LRP4: variants seen among roughly 807,000 people sequenced by gnomAD.
The protein encoded by LRP4 is LDL receptor related protein 4, also known as low-density lipoprotein receptor-related protein 4.
LRP4 carries 95 observed loss-of-function variants against 220.3 expected under a neutral mutation model. The observed-to-expected ratio is 0.43, with a 90% CI of 0.37 to 0.51. The LOEUF is 0.51. Among genes scored for constraint, LRP4 ranks in the 20% least tolerant of loss-of-function variants. The probability of loss-of-function intolerance (pLI) is 0.00; values close to 1 mark genes in which losing one functional copy is unlikely to be tolerated. For synonymous variants in LRP4, 903 were observed against 954.6 expected (o/e 0.95, Z 1.00); for missense variants, 1,925 against 2,567.0 (o/e 0.75, Z 5.40).
At position 46,857,499 on chromosome 11, in the gene LRP4, G is replaced by A. The variant is rs1432204975; in HGVS notation, c.*1484C>T. The A allele has an allele frequency of 2.6e-5, 4 of 152,150 alleles. No individual in the cohort carries two copies. The highest frequency in any genetic ancestry group is 4.4e-5 in the Non-Finnish European group (3 of 68,062). The allele number at this position is 152,150 out of a possible 1,614,324, so 9.4% of individuals were successfully genotyped here. A position where few individuals can be genotyped will look rare whatever the true frequency, so the allele number is the denominator to read the frequency against. Reference sequence around the variant, plus strand: ...AGAGGTCTGGGTCTGCCATGGGCTAGGAGGGCCTCATCAGTGGTGCTCTCT... The same window carrying A: ...AGAGGTCTGGGTCTGCCATGGGCTAAGAGGGCCTCATCAGTGGTGCTCTCT... On this transcript the variant is annotated 3_prime_UTR_variant, in exon 38 of 38. Transcript: ENST00000378623.
At chr11:46,862,503 T>G (rs1592509351) in intron 37 of LRP4, 103 bp downstream of exon 37, 4 of 1,159,904 alleles carry the variant, frequency 3.4e-6, no homozygotes, top group Non-Finnish European at 5.2e-6. Flanking sequence ...AAATGGTAGA[T>G]GGGATTACTC....
chr11:46,870,932 T>C (rs1011136461), intron 31 of LRP4, among the ~76,000 whole-genome samples: 19 of 152,240 alleles, frequency 1.2e-4, no homozygotes, highest in Non-Finnish European at 2.1e-4. Flanking sequence ...ATTAGGCTGA[T>C]TTATTTTATA....
intron 2 of LRP4, among the ~76,000 whole-genome samples, chr11:46,900,752 A>G (rs906970785): frequency 1.3e-4 from 19 of 150,666 alleles, no homozygotes; most frequent in Non-Finnish European, 4.4e-5. Flanking sequence ...CAGCCTCCCA[A>G]AGTGCTGGGA....
intron 20 of LRP4, among the ~76,000 whole-genome samples, chr11:46,881,168 G>C (rs951133340): frequency 1.1e-4 from 17 of 148,588 alleles, no homozygotes; most frequent in African/African-American, 3.9e-4. Flanking sequence ...TTGCTTTTAG[G>C]AAATGTGCAC....
In LRP4 at chr11:46,900,923, G is replaced by A. The variant is rs1592547444; in HGVS notation, c.200-545C>T. Among the ~76,000 whole-genome samples, 3 of 151,968 alleles carry A rather than the reference G, an allele frequency of 2.0e-5. No individual in the cohort carries two copies. In the East Asian group the frequency reaches 5.8e-4, roughly 29 times the overall value. On this transcript the variant is annotated intron_variant, in intron 2 of 37. Transcript: ENST00000378623. ...TGCCTCAGCCTCCCGAGTAGCTGGTGTTACAGGTGCCCGCTGCCACACCCA... is the reference window on the plus strand; with the variant it reads ...TGCCTCAGCCTCCCGAGTAGCTGGTATTACAGGTGCCCGCTGCCACACCCA...
At chr11:46,880,946 T>C (rs903248485) in intron 20 of LRP4, among the ~76,000 whole-genome samples, 8 of 150,526 alleles carry the variant, frequency 5.3e-5, no homozygotes, top group African/African-American at 2.0e-4. Flanking sequence ...TTATGGCTCA[T>C]GCGTGTAGTC....
At chr11:46,892,944 A>C (rs1162632113) in intron 13 of LRP4, 29 bp downstream of exon 13, 16 of 1,610,790 alleles carry the variant, frequency 9.9e-6, no homozygotes, top group Non-Finnish European at 1.4e-5. Context: ...AGGTTGCAAG[A>C]AAGTTCGGGA....
rs546118402 is a variant in LRP4 at position 46,862,200 on chromosome 11, G to T, written c.5385+406C>A. Among the ~76,000 whole-genome samples, 13 of 152,282 alleles carry T rather than the reference G, an allele frequency of 8.5e-5. No individual in the cohort carries two copies. In the South Asian group the frequency reaches 2.5e-3, roughly 29 times the overall value. ...TAGGTGCTACTAGCTTGGACTGGAG[G>T]TTAGTAATGGGCGAGTCCAGGAGCT... On this transcript the variant is annotated intron_variant, in intron 37 of 37. Transcript: ENST00000378623.
In LRP4 at chr11:46,890,104, G is replaced by A. The variant is rs1011484252; in HGVS notation, c.1932C>T (p.Phe644=). The A allele has an allele frequency of 1.4e-5, 23 of 1,613,978 alleles. No individual in the cohort carries two copies. Among genetic ancestry groups the A allele is most frequent in the Admixed American group, 1.0e-4 (6 of 59,994 alleles). ...GGCTGTCTTCAAACACTGTGATGGCGAAGGGATGCGGGAGGCCTGGGGAAA... is the reference window on the plus strand; with the variant it reads ...GGCTGTCTTCAAACACTGTGATGGCAAAGGGATGCGGGAGGCCTGGGGAAA... ...AVISQGLPHP[F]AITVFEDSLY... is the part of the protein sequence containing the mutation. The change falls in exon 15 of 38, where the codon TTC becomes TTT. Residue 644 remains phenylalanine (F), a synonymous_variant. Transcript: ENST00000378623. This position sits in a 1 kb window ranked among gnomAD's most constrained non-coding sequence, Gnocchi z 5.3.
chr11:46,913,933 C>A (rs1941909592), intron 1 of LRP4, among the ~76,000 whole-genome samples: 1 of 152,090 alleles, frequency 6.6e-6, no homozygotes, highest in Admixed American at 6.6e-5. Flanking sequence ...TTAAAAGAGA[C>A]AAGCAAAAGA....
At position 46,899,598 on chromosome 11, in the gene LRP4, G is replaced by A. The variant is rs1006946756; in HGVS notation, c.431-95C>T. 1.1e-6 allele frequency: 1 copy of A among 947,648 alleles called. No homozygotes were observed. Among genetic ancestry groups the A allele is most frequent in the Non-Finnish European group, 1.7e-6 (1 of 586,956 alleles). The allele number at this position is 947,648 out of a possible 1,614,324, so 58.7% of individuals were successfully genotyped here. A position where few individuals can be genotyped will look rare whatever the true frequency, so the allele number is the denominator to read the frequency against. On this transcript the variant is annotated intron_variant, in intron 4 of 37. Transcript: ENST00000378623. The surrounding 1 kb of genome is among the most constrained non-coding windows in gnomAD (Gnocchi z 5.9). ...CTCCCAACCTCACTGGCTTTGGCGG[G>A]TCTGACCTAGCCCCCGAAAGGCACC...
At chr11:46,910,822 T>A (rs892232192) in intron 1 of LRP4, among the ~76,000 whole-genome samples, 3 of 152,010 alleles carry the variant, frequency 2.0e-5, no homozygotes, top group Non-Finnish European at 4.4e-5. Flanking sequence ...TACAGGTGTG[T>A]ACCGCCACAC....
intron 2 of LRP4, among the ~76,000 whole-genome samples, chr11:46,900,630 G>A (rs1286805569): frequency 6.6e-6 from 1 of 151,916 alleles, no homozygotes; most frequent in Non-Finnish European, 1.5e-5. Context: ...ACCACACCTG[G>A]CTAGGTTTTT....
chr11:46,918,329 G>C lies in LRP4; in HGVS notation c.51C>G (p.His17Gln), dbSNP rs1468417987. 6.6e-7 allele frequency: 1 copy of C among 1,508,448 alleles called. No homozygotes were observed. Among genetic ancestry groups the C allele is most frequent in the Non-Finnish European group, 8.8e-7 (1 of 1,134,538 alleles). The allele number at this position is 1,508,448 out of a possible 1,614,324, so 93.4% of individuals were successfully genotyped here. A position where few individuals can be genotyped will look rare whatever the true frequency, so the allele number is the denominator to read the frequency against. Reference sequence around the variant, plus strand: ...ACTTTCCCGGCGGGCGCCGCTTACCGTGTGCGCAGAGCAGGGCGCCAAGCA... The same window carrying C: ...ACTTTCCCGGCGGGCGCCGCTTACCCTGTGCGCAGAGCAGGGCGCCAAGCA... ...ALLLGALLCA[H>Q]GLASSPECAC... The change falls in exon 1 of 38, where the codon CAC (histidine) becomes CAG (glutamine). Residue 17 changes from histidine (H) to glutamine (Q), a missense_variant and splice_region_variant. His to Gln is a conservative substitution (Grantham distance 24, BLOSUM62 0). Coordinates refer to ENST00000378623, the MANE Select transcript of LRP4 (RefSeq NM_002334.4). This position sits in a 1 kb window ranked among gnomAD's most constrained non-coding sequence, Gnocchi z 6.0.
chr11:46,891,333 C>CA (rs1941417758), intron 13 of LRP4, among the ~76,000 whole-genome samples: 1 of 151,796 alleles, frequency 6.6e-6, no homozygotes, highest in Admixed American at 6.6e-5. Context: ...AGGCTGGTCT[C>CA]AAACTCCTGA....
rs138291903 is a variant in LRP4 at position 46,862,626 on chromosome 11, G to C, written c.5365C>G (p.Gln1789Glu). 13 of 1,614,146 alleles carry C rather than the reference G, an allele frequency of 8.1e-6. No individual in the cohort carries two copies. In the East Asian group the frequency reaches 2.9e-4, roughly 36 times the overall value. Residue 1789 changes from glutamine to glutamate, a missense_variant, in exon 37 of 38, where the codon CAG becomes GAG. Physicochemically the swap from Gln to Glu is conservative, Grantham distance 29. Coordinates refer to ENST00000378623, the MANE Select transcript of LRP4 (RefSeq NM_002334.4). ...EAIPKPAMYNQLCYKKEGGPD... is the reference protein window; with the variant it reads ...EAIPKPAMYNELCYKKEGGPD... The stretch of plus-strand genomic sequence containing the variant: ...TTTACCTCTTTCTTATAGCACAGCT[G>C]GTTGTACATGGCTGGTTTGGGGATT...
Position 46,875,417 on chromosome 11 carries a change from A to G in LRP4, c.3925+39T>C, listed in dbSNP as rs1940985195. On this transcript the variant is annotated intron_variant, in intron 27 of 37. Transcript: ENST00000378623. The surrounding 1 kb of genome is among the most constrained non-coding windows in gnomAD (Gnocchi z 4.5). Reference sequence around the variant, plus strand: ...GATGTTGAGATGGCCCCAGAAAGCCAGAGGCTCTGACTCACAGCCCCAGCC... The same window carrying G: ...GATGTTGAGATGGCCCCAGAAAGCCGGAGGCTCTGACTCACAGCCCCAGCC... The G allele has an allele frequency of 1.9e-6, 3 of 1,560,230 alleles. No individual in the cohort carries two copies. Among genetic ancestry groups the G allele is most frequent in the Non-Finnish European group, 1.8e-6 (2 of 1,132,130 alleles).
At chr11:46,862,572 A>G in intron 37 of LRP4, 34 bp downstream of exon 37, 1 of 1,612,762 alleles carries the variant, frequency 6.2e-7, no homozygotes, top group African/African-American at 1.3e-5. Flanking sequence ...ACACCTCGCC[A>G]AAAAGACCCT....
Position 46,877,273 on chromosome 11 carries a change from T to TAA in LRP4, c.3201_3202dup (p.Tyr1068PhefsTer14). ...GATTGGTACCACCACATCAGCAAAATAAGGGATGTCCAGGGAGACCATGCG... is the reference window on the plus strand; with the variant it reads ...GATTGGTACCACCACATCAGCAAAATAAAAGGGATGTCCAGGGAGACCATGCG... On this transcript the variant is annotated frameshift_variant, in exon 23 of 38. Transcript: ENST00000378623. LOFTEE classifies it high-confidence loss of function. The TAA allele has an allele frequency of 6.2e-7, 1 of 1,613,898 alleles. No individual in the cohort carries two copies. The highest frequency in any genetic ancestry group is 8.5e-7 in the Non-Finnish European group (1 of 1,179,916).
Sources: gnomAD v4.1 joint callset for allele counts (sites outside exome capture counted in the v4.1 genomes callset) on GRCh38, gnomAD v4.1.1 for gene constraint, Gnocchi (gnomAD v3.1) non-coding constraint, MANE v1.5 for transcripts, NCBI Gene and HGNC (gene_info 2026-07-23, HGNC 2026-07-21) for gene names.